The following HS6ST1 variants were observed in gnomAD, a reference collection of about 807,000 sequenced individuals.
HS6ST1 encodes heparan-sulfate 6-O-sulfotransferase 1.
HS6ST1 carries 3 observed loss-of-function variants against 25.2 expected under a neutral mutation model. That is an observed-to-expected ratio of 0.12 (90% CI 0.05 to 0.31). The LOEUF (loss-of-function observed/expected upper bound fraction) is 0.31, where lower values mean the gene tolerates loss of function less well. Ranked by LOEUF, HS6ST1 falls within the 10% of genes least tolerant of loss-of-function variation. The pLI, the probability that HS6ST1 is intolerant of heterozygous loss-of-function variation, is 1.00. For missense variants in HS6ST1, 310 were observed against 609.6 expected (o/e 0.51, Z 5.18); for synonymous variants, 204 against 275.1 (o/e 0.74, Z 2.56).
Position 128,318,401 on chromosome 2 carries a change from C to T in HS6ST1, c.163G>A (p.Asp55Asn). 1.2e-6 allele frequency: 2 copies of T among 1,604,944 alleles called. No homozygotes were observed. The highest frequency in any genetic ancestry group is 1.1e-5 in the South Asian group (1 of 90,742). The change falls in exon 1 of 2, where the codon GAC (aspartate) becomes AAC (asparagine). Residue 55 changes from aspartate to asparagine, a missense_variant. Physicochemically the swap from Asp to Asn is conservative, Grantham distance 23. Around this residue, in one of 5 missense-constraint regions of HS6ST1, gnomAD observed 63 missense variants for 105.4 expected, o/e 0.60. Transcript: ENST00000259241. This position sits in a 1 kb window ranked among gnomAD's most constrained non-coding sequence, Gnocchi z 5.7. ...PGGRAPPDDL[D>N]LFPTPDPHYE... is the part of the protein sequence containing the mutation. The stretch of plus-strand genomic sequence containing the variant: ...TGGGGGTCGGGTGTGGGGAACAGGT[C>T]CAGGTCGTCGGGCGGCGCGCGGCCG...
intron 1 of HS6ST1, among the ~76,000 whole-genome samples, chr2:128,315,930 C>A (rs1211134437): frequency 6.6e-6 from 1 of 152,244 alleles, no homozygotes; most frequent in Admixed American, 6.5e-5. Context: ...GGTAGCACAA[C>A]CCACTTCCAG....
At position 128,297,632 on chromosome 2, in the gene HS6ST1, G is replaced by A. The variant is rs1033502284; in HGVS notation, c.527+20405C>T. Among the ~76,000 whole-genome samples the A allele has an allele frequency of 7.2e-5, 11 of 152,162 alleles. No individual in the cohort carries two copies. The East Asian group carries it at 1.9e-3, about 27-fold the overall frequency. The stretch of plus-strand genomic sequence containing the variant: ...CACCTGATCATGAGGTCAGGAGTTC[G>A]AGACCAGCCTGACCAACATGGAGAA... On this transcript the variant is annotated intron_variant, in intron 1 of 1. Coordinates refer to ENST00000259241, the MANE Select transcript of HS6ST1 (RefSeq NM_004807.3).
chr2:128,285,040 C>T (rs72839421), intron 1 of HS6ST1, among the ~76,000 whole-genome samples: 15,371 of 152,232 alleles, frequency 0.1, 858 homozygotes, highest in Non-Finnish European at 0.11. Flanking sequence ...TGCTGCGACC[C>T]GACCTCTGGC....
intron 1 of HS6ST1, among the ~76,000 whole-genome samples, chr2:128,301,136 G>T (rs1694118581): frequency 6.6e-6 from 1 of 152,152 alleles, no homozygotes; most frequent in South Asian, 2.1e-4. Flanking sequence ...GGGCTGCGTA[G>T]CTCTAGCCGC....
chr2:128,311,087 C>T (rs965408248), intron 1 of HS6ST1, among the ~76,000 whole-genome samples: 3 of 152,188 alleles, frequency 2.0e-5, no homozygotes, highest in African/African-American at 7.2e-5. Flanking sequence ...CTGGCTACCA[C>T]CAGCTCACTG....
At chr2:128,272,797 T>C (rs1194338583) in intron 1 of HS6ST1, among the ~76,000 whole-genome samples, 1 of 152,214 alleles carries the variant, frequency 6.6e-6, no homozygotes, top group Non-Finnish European at 1.5e-5. Flanking sequence ...GGTGAGCTGC[T>C]GAAGACAGAC....
chr2:128,269,007 T>G (rs1693570401), intron 1 of HS6ST1, 137 bp from the exon 2 acceptor site: 1 of 715,486 alleles, frequency 1.4e-6, no homozygotes, highest in African/African-American at 1.7e-5. Flanking sequence ...CACTTAGCTC[T>G]CAGTCGTTTC....
chr2:128,290,826 A>C (rs996151175), intron 1 of HS6ST1, among the ~76,000 whole-genome samples: 4 of 126,834 alleles, frequency 3.2e-5, no homozygotes, highest in East Asian at 2.0e-4. Flanking sequence ...ACAAAAAAAA[A>C]AAAAAAAAAA....
intron 1 of HS6ST1, among the ~76,000 whole-genome samples, chr2:128,278,148 A>G (rs945047648): frequency 2.0e-4 from 31 of 152,280 alleles, no homozygotes; most frequent in Non-Finnish European, 3.7e-4. Flanking sequence ...AGGGCGGGGC[A>G]GGCAGGCACG....
At chr2:128,271,453 C>T (rs1693608890) in intron 1 of HS6ST1, among the ~76,000 whole-genome samples, 1 of 152,176 alleles carries the variant, frequency 6.6e-6, no homozygotes, top group Non-Finnish European at 1.5e-5. Flanking sequence ...TGGCTCCCAC[C>T]TGGGAATGCA....
chr2:128,306,296 G>A (rs556238103), intron 1 of HS6ST1, among the ~76,000 whole-genome samples: 24 of 152,276 alleles, frequency 1.6e-4, no homozygotes, highest in African/African-American at 5.5e-4. Context: ...GCTGGAGGAC[G>A]TGGCCGCGCC....
chr2:128,275,983 A>G (rs1447001688), intron 1 of HS6ST1, among the ~76,000 whole-genome samples: 1 of 152,224 alleles, frequency 6.6e-6, no homozygotes, highest in Non-Finnish European at 1.5e-5. Flanking sequence ...ATGAACAAAC[A>G]GTAGCTACTC....
chr2:128,303,342 C>T (rs148028724), intron 1 of HS6ST1, among the ~76,000 whole-genome samples: 1 of 152,352 alleles, frequency 6.6e-6, no homozygotes, highest in African/African-American at 2.4e-5. Context: ...CTGACCCTAA[C>T]AGCACAACAC....
chr2:128,309,849 G>C (rs560173581), intron 1 of HS6ST1, among the ~76,000 whole-genome samples: 1 of 152,324 alleles, frequency 6.6e-6, no homozygotes, highest in African/African-American at 2.4e-5. Flanking sequence ...ATGAGGAACT[G>C]GGCCTGCACT....
chr2:128,272,461 A>G (rs1252724105), intron 1 of HS6ST1, among the ~76,000 whole-genome samples: 2 of 152,182 alleles, frequency 1.3e-5, no homozygotes, highest in Non-Finnish European at 2.9e-5. Context: ...GTAGCCCCAG[A>G]TGGCACGCGA....
intron 1 of HS6ST1, among the ~76,000 whole-genome samples, chr2:128,304,337 A>T (rs185382105): frequency 6.6e-6 from 1 of 152,168 alleles, no homozygotes; most frequent in Non-Finnish European, 1.5e-5. Context: ...GAGCCTTTAG[A>T]AACTGGGTCT....
chr2:128,296,263 A>G (rs1369565482), intron 1 of HS6ST1, among the ~76,000 whole-genome samples: 1 of 152,244 alleles, frequency 6.6e-6, no homozygotes, highest in Non-Finnish European at 1.5e-5. Context: ...ATCATATTCA[A>G]TGGTGAAACA....
At chr2:128,273,029 C>T (rs1693635080) in intron 1 of HS6ST1, among the ~76,000 whole-genome samples, 1 of 152,248 alleles carries the variant, frequency 6.6e-6, no homozygotes, top group Non-Finnish European at 1.5e-5. Flanking sequence ...ACCTGTCCTT[C>T]CTGCGCCCAT....
intron 1 of HS6ST1, among the ~76,000 whole-genome samples, chr2:128,298,670 G>A (rs1373609218): frequency 6.6e-6 from 1 of 152,174 alleles, no homozygotes; most frequent in African/African-American, 2.4e-5. Context: ...GGAATGAGGA[G>A]TTCGTGTTTA....
Sources: allele counts gnomAD v4.1 joint callset (sites outside exome capture counted in the v4.1 genomes callset), GRCh38; gene constraint gnomAD v4.1.1; regional missense constraint gnomAD v4.1.1; non-coding constraint Gnocchi (gnomAD v3.1); transcripts MANE v1.5; gene names NCBI Gene and HGNC (gene_info 2026-07-23, HGNC 2026-07-21).